MEGF10: variants seen among roughly 807,000 people sequenced by gnomAD.
The protein encoded by MEGF10 is multiple epidermal growth factor-like domains protein 10.
A neutral mutation model predicts 147.5 loss-of-function variants in MEGF10; 86 were observed. The observed-to-expected ratio is 0.58, with a 90% CI of 0.49 to 0.70. The LOEUF is 0.70. MEGF10 is among the 30% of genes least tolerant of loss of function. MEGF10 has a pLI of 0.00. For synonymous variants in MEGF10, 478 were observed against 525.5 expected, an observed-to-expected ratio of 0.91 and a Z score of 1.24; for missense variants, 1,329 against 1,487.3, an observed-to-expected ratio of 0.89 and a Z score of 1.75.
chr5:127,363,675 C>T (rs1580765990), intron 4 of MEGF10, among the ~76,000 whole-genome samples: 1 of 152,130 alleles, frequency 6.6e-6, no homozygotes, highest in Non-Finnish European at 1.5e-5. Context: ...CAATGTCTGC[C>T]AAAGATACTG....
chr5:127,398,536 A>G lies in MEGF10; in HGVS notation c.660-140A>G, dbSNP rs956661129. 2.2e-5 allele frequency: 22 copies of G among 981,576 alleles called. No homozygotes were observed. In the East Asian group the frequency reaches 5.7e-4, roughly 25 times the overall value. The allele number at this position is 981,576 out of a possible 1,614,324, so 60.8% of individuals were successfully genotyped here. A position where few individuals can be genotyped will look rare whatever the true frequency, so the allele number is the denominator to read the frequency against. On this transcript the variant is annotated intron_variant, in intron 6 of 24. Coordinates refer to ENST00000503335, the MANE Select transcript of MEGF10 (RefSeq NM_001256545.2). Reference sequence around the variant, plus strand: ...AAGACACTTCCAGGCAATATGATTAATGTTCTTGATGTTAATTAATTAAAT... The same window carrying G: ...AAGACACTTCCAGGCAATATGATTAGTGTTCTTGATGTTAATTAATTAAAT...
At chr5:127,233,429 C>A in the MEGF10 span, among the ~76,000 whole-genome samples, 6 of 152,148 alleles carry the variant, frequency 3.9e-5, no homozygotes, top group African/African-American at 1.2e-4. Context: ...AGGACACAAG[C>A]AGGTGTAGTA....
the MEGF10 span, among the ~76,000 whole-genome samples, chr5:127,268,987 T>G: frequency 6.6e-6 from 1 of 152,146 alleles, no homozygotes; most frequent in African/African-American, 2.4e-5. Flanking sequence ...GGGTCTGGAG[T>G]GGCCCTCCAG....
intron 9 of MEGF10, among the ~76,000 whole-genome samples, chr5:127,411,690 A>G (rs944448375): frequency 1.3e-5 from 2 of 152,188 alleles, no homozygotes; most frequent in African/African-American, 4.8e-5. Flanking sequence ...GTTGGAAAAT[A>G]TTGCCTTTCT....
the MEGF10 span, among the ~76,000 whole-genome samples, chr5:127,231,480 C>T: frequency 6.6e-6 from 1 of 152,222 alleles, no homozygotes; most frequent in Non-Finnish European, 1.5e-5. Context: ...GCAGAAAAGC[C>T]TTCCCTGACA....
intron 1 of MEGF10, among the ~76,000 whole-genome samples, chr5:127,323,314 T>C (rs1290857785): frequency 1.3e-5 from 2 of 152,330 alleles, no homozygotes; most frequent in East Asian, 3.9e-4. Context: ...TCAATTCTTC[T>C]AGAAAGTCAC....
intron 22 of MEGF10, 77 bp from the exon 23 acceptor site, chr5:127,454,489 C>A: frequency 7.4e-7 from 1 of 1,344,878 alleles, no homozygotes; most frequent in Non-Finnish European, 1.0e-6. Flanking sequence ...GATCCTCTTC[C>A]AGGACCTTGG....
chr5:127,401,910 G>T (rs1453028609), intron 7 of MEGF10, among the ~76,000 whole-genome samples: 1 of 152,064 alleles, frequency 6.6e-6, no homozygotes, highest in African/African-American at 2.4e-5. Context: ...ATTGATCTTG[G>T]CTCAGCAATG....
chr5:127,387,875 G>A (rs572165508), intron 5 of MEGF10, among the ~76,000 whole-genome samples: 26 of 152,254 alleles, frequency 1.7e-4, no homozygotes, highest in Admixed American at 2.6e-4. Context: ...GTTTCGTGTC[G>A]TTTGCATGGA....
At chr5:127,429,177 G>GTTTC (rs1381933504) in intron 13 of MEGF10, among the ~76,000 whole-genome samples, 1 of 152,090 alleles carries the variant, frequency 6.6e-6, no homozygotes, top group Non-Finnish European at 1.5e-5. Context: ...AACTATTAAA[G>GTTTC]TTTCTATCTG....
intron 4 of MEGF10, among the ~76,000 whole-genome samples, chr5:127,358,893 T>C (rs960499781): frequency 2.6e-5 from 4 of 152,168 alleles, no homozygotes; most frequent in African/African-American, 9.7e-5. Flanking sequence ...AGAGACACAC[T>C]GTGAGAGTTG....
At chr5:127,341,755 G>A (rs1375485478) in intron 4 of MEGF10, among the ~76,000 whole-genome samples, 1 of 152,112 alleles carries the variant, frequency 6.6e-6, no homozygotes, top group Non-Finnish European at 1.5e-5. Flanking sequence ...ATTTTTCCTG[G>A]TCAGTAATTA....
In MEGF10 at chr5:127,457,217, C is replaced by A; in HGVS notation, c.3322C>A (p.Pro1108Thr). The change falls in exon 25 of 25, where the codon CCT becomes ACT. Residue 1108 changes from proline (P) to threonine (T), a missense_variant. Physicochemically the swap from Pro to Thr is conservative, Grantham distance 38. Coordinates refer to ENST00000503335, the MANE Select transcript of MEGF10 (RefSeq NM_001256545.2). ...TGACCTCCCAAAGAACAGTCACATC[C>A]CTTGTCATTATGACCTGCTGCCAGT... ...PYDLPKNSHI[P>T]CHYDLLPVRD... 6.2e-7 allele frequency: 1 copy of A among 1,614,142 alleles called. No homozygotes were observed. Among genetic ancestry groups the A allele is most frequent in the Non-Finnish European group, 8.5e-7 (1 of 1,180,016 alleles).
intron 1 of MEGF10, among the ~76,000 whole-genome samples, chr5:127,306,381 C>T (rs768145401): frequency 3.3e-5 from 5 of 152,092 alleles, no homozygotes; most frequent in Non-Finnish European, 7.4e-5. Context: ...GCAAGCCAGG[C>T]GAGGTTTGTC....
chr5:127,310,786 G>A (rs1428638158), intron 1 of MEGF10, among the ~76,000 whole-genome samples: 1 of 152,216 alleles, frequency 6.6e-6, no homozygotes, highest in East Asian at 1.9e-4. Context: ...GGGCTAAGGA[G>A]AGAAAGGGCA....
At chr5:127,324,598 G>A (rs888598476) in intron 1 of MEGF10, among the ~76,000 whole-genome samples, 1 of 152,126 alleles carries the variant, frequency 6.6e-6, no homozygotes, top group African/African-American at 2.4e-5. Context: ...CGTGAGTGCA[G>A]TAACCTCCAC....
intron 10 of MEGF10, 151 bp downstream of exon 10, chr5:127,417,963 T>TAC (rs2126968436): frequency 1.3e-6 from 1 of 786,222 alleles, no homozygotes; most frequent in Non-Finnish European, 1.9e-6. Context: ...GGAAAAATGC[T>TAC]AATAGAGATA....
At chr5:127,247,386 G>C in the MEGF10 span, among the ~76,000 whole-genome samples, 82 of 23,656 alleles carry the variant, frequency 3.5e-3, 3 homozygotes, top group South Asian at 0.011. Flanking sequence ...AGAAGAAGAA[G>C]AAGAAGAAGA....
intron 5 of MEGF10, among the ~76,000 whole-genome samples, chr5:127,375,989 G>C (rs1220075863): frequency 6.6e-6 from 1 of 152,184 alleles, no homozygotes; most frequent in Non-Finnish European, 1.5e-5. Context: ...CATAGCTTGG[G>C]AGAAAAATAA....
Sources: allele counts gnomAD v4.1 joint callset (sites outside exome capture counted in the v4.1 genomes callset), GRCh38; gene constraint gnomAD v4.1.1; transcripts MANE v1.5; gene names NCBI Gene and HGNC (gene_info 2026-07-23, HGNC 2026-07-21).